The following MAGI2 variants were observed in gnomAD, a reference collection of about 807,000 sequenced individuals.
The protein encoded by MAGI2 is membrane-associated guanylate kinase, WW and PDZ domain-containing protein 2.
A neutral mutation model predicts 133.3 loss-of-function variants in MAGI2; 35 were observed. The observed-to-expected ratio is 0.26, with a 90% CI of 0.20 to 0.35. The LOEUF is 0.35. MAGI2 is among the 10% of genes least tolerant of loss of function. The pLI, the probability that MAGI2 is intolerant of heterozygous loss-of-function variation, is 1.00. For synonymous variants in MAGI2, 729 were observed against 710.6 expected (o/e 1.03, Z -0.41); for missense variants, 1,636 against 1,863.4 (o/e 0.88, Z 2.25).
At chr7:78,484,698 A>G (rs1357815872) in intron 6 of MAGI2, 1 of 151,934 alleles carries the variant, frequency 6.6e-6, no homozygotes, top group Non-Finnish European at 1.5e-5. Context: ...TTTCCCAGTC[A>G]TCTTCTATAG....
chr7:79,260,744 T>C (rs1834027925), intron 1 of MAGI2, among the ~76,000 whole-genome samples: 1 of 152,130 alleles, frequency 6.6e-6, no homozygotes. Context: ...AGGCTATGCA[T>C]ATAAGATGTA....
At chr7:78,973,386 C>G (rs914271755) in intron 2 of MAGI2, among the ~76,000 whole-genome samples, 6 of 151,704 alleles carry the variant, frequency 4.0e-5, no homozygotes, top group African/African-American at 1.2e-4. Flanking sequence ...ACAAATATCA[C>G]AGAGGGACTT....
chr7:79,196,953 T>TAG (rs1038085615), intron 1 of MAGI2, among the ~76,000 whole-genome samples: 2 of 151,462 alleles, frequency 1.3e-5, no homozygotes, highest in African/African-American at 4.9e-5. Flanking sequence ...TTTTTATATA[T>TAG]ATAGAGAGAG....
intron 2 of MAGI2, among the ~76,000 whole-genome samples, chr7:78,684,056 C>A (rs939187704): frequency 2.0e-5 from 3 of 152,126 alleles, no homozygotes; most frequent in Non-Finnish European, 4.4e-5. Flanking sequence ...GTTTTCATAG[C>A]CTTCATGCCA....
chr7:78,611,473 C>G (rs954147213), intron 3 of MAGI2, among the ~76,000 whole-genome samples: 1 of 152,176 alleles, frequency 6.6e-6, no homozygotes, highest in African/African-American at 2.4e-5. Flanking sequence ...CTATTACATA[C>G]TCAAATAATT....
chr7:78,976,679 CT>C (rs201643092), intron 2 of MAGI2, among the ~76,000 whole-genome samples: 4 of 146,394 alleles, frequency 2.7e-5, no homozygotes, highest in African/African-American at 1.0e-4. Flanking sequence ...TAACATATGA[CT>C]TTTTTTAAAA....
chr7:79,443,281 T>C (rs200771491), intron 1 of MAGI2, among the ~76,000 whole-genome samples: 4,604 of 68,896 alleles, frequency 0.067, 155 homozygotes, highest in East Asian at 0.2. Flanking sequence ...TGTGTGTGTG[T>C]GTGCGTGTGT....
chr7:78,577,490 G>C (rs187557203), intron 3 of MAGI2, among the ~76,000 whole-genome samples: 31 of 152,230 alleles, frequency 2.0e-4, no homozygotes, highest in African/African-American at 5.3e-4. Flanking sequence ...ATGCACGTCC[G>C]TGTGAAGAGA....
Position 79,077,604 on chromosome 7 carries a change from T to G in MAGI2, c.302-70398A>C, listed in dbSNP as rs5013613. On this transcript the variant is annotated intron_variant, in intron 1 of 21. Transcript: ENST00000354212. ...AAAAAAAAAAAAAAAAATAAATAAA[T>G]AAATAAATTCCCTTTTGCTTAACTA... Among the ~76,000 whole-genome samples the G allele has an allele frequency of 6.8e-3, 428 of 62,708 alleles. 11 individuals are homozygous for G. The highest frequency in any genetic ancestry group is 0.018 in the African/African-American group (404 of 22,738). The allele number at this position is 62,708 out of a possible 152,430, so 41.1% of individuals were successfully genotyped here. A position where few individuals can be genotyped will look rare whatever the true frequency, so the allele number is the denominator to read the frequency against.
chr7:78,367,927 G>T (rs950927044), intron 7 of MAGI2, among the ~76,000 whole-genome samples: 18 of 152,082 alleles, frequency 1.2e-4, no homozygotes, highest in Non-Finnish European at 1.3e-4. Context: ...CTTTATTTTT[G>T]CAGTTAGAGA....
chr7:78,031,735 A>T (rs1452627915), intron 21 of MAGI2, among the ~76,000 whole-genome samples: 1 of 152,218 alleles, frequency 6.6e-6, no homozygotes, highest in Non-Finnish European at 1.5e-5. Context: ...AAAAGTACTT[A>T]TGTCACGGGA....
intron 1 of MAGI2, among the ~76,000 whole-genome samples, chr7:79,308,316 C>A (rs985839812): frequency 2.0e-5 from 3 of 152,210 alleles, no homozygotes; most frequent in African/African-American, 7.2e-5. Context: ...CTCTGAACAC[C>A]AACATGCGTT....
intron 20 of MAGI2, among the ~76,000 whole-genome samples, chr7:78,119,528 T>TCCTG (rs1485876122): frequency 4.2e-5 from 5 of 118,898 alleles, no homozygotes; most frequent in Non-Finnish European, 6.3e-5. Context: ...GCCCCTGCAC[T>TCCTG]CCTGCCTGGG....
At chr7:78,897,498 AC>A (rs767766527) in intron 2 of MAGI2, among the ~76,000 whole-genome samples, 57 of 152,216 alleles carry the variant, frequency 3.7e-4, no homozygotes, top group Non-Finnish European at 6.2e-4. Flanking sequence ...GTTAAACATA[AC>A]CATTATTAAA....
intron 1 of MAGI2, among the ~76,000 whole-genome samples, chr7:79,440,316 A>G (rs1296109440): frequency 6.6e-6 from 1 of 152,016 alleles, no homozygotes; most frequent in African/African-American, 2.4e-5. Flanking sequence ...AAAACTACAT[A>G]ATTTTAAAAA....
intron 10 of MAGI2, among the ~76,000 whole-genome samples, chr7:78,243,261 ACACACACACTCTCTCT>A (rs879572265): frequency 0.021 from 902 of 43,572 alleles, 3 homozygotes; most frequent in African/African-American, 0.03. Flanking sequence ...ACACACACAC[ACACACACACTCTCTCT>A]CTCTCTCTCT....
At chr7:78,715,713 A>G (rs1338573330) in intron 2 of MAGI2, among the ~76,000 whole-genome samples, 3 of 152,240 alleles carry the variant, frequency 2.0e-5, no homozygotes, top group African/African-American at 7.2e-5. Context: ...CATTCATTTC[A>G]TGGTTAATCT....
intron 2 of MAGI2, among the ~76,000 whole-genome samples, chr7:78,763,328 AGTTATT>A (rs932854565): frequency 2.0e-5 from 3 of 152,214 alleles, no homozygotes; most frequent in African/African-American, 7.2e-5. Context: ...AATGAGACTG[AGTTATT>A]GTAACCTGGG....
At chr7:78,600,086 A>T in intron 3 of MAGI2, among the ~76,000 whole-genome samples, 1 of 152,188 alleles carries the variant, frequency 6.6e-6, no homozygotes, top group Non-Finnish European at 1.5e-5. Flanking sequence ...AAAACCAATA[A>T]AATTGGATAC....
Sources: gnomAD v4.1 joint callset for allele counts (sites outside exome capture counted in the v4.1 genomes callset) on GRCh38, gnomAD v4.1.1 for gene constraint, MANE v1.5 for transcripts, NCBI Gene and HGNC (gene_info 2026-07-23, HGNC 2026-07-21) for gene names.